KIF24: variants seen among roughly 807,000 people sequenced by gnomAD.
KIF24 encodes the protein kinesin-like protein KIF24.
In KIF24, 81 loss-of-function variants were observed where a neutral mutation model predicts 118.9. That is an observed-to-expected ratio of 0.68 (90% CI 0.57 to 0.82). The LOEUF is 0.82. KIF24 is among the 40% of genes least tolerant of loss of function. The pLI, the probability that KIF24 is intolerant of heterozygous loss-of-function variation, is 0.00. For missense variants in KIF24, 1,560 were observed against 1,661.6 expected, an observed-to-expected ratio of 0.94 and a Z score of 1.06; for synonymous variants, 599 against 610.0, an observed-to-expected ratio of 0.98 and a Z score of 0.27.
upstream of KIF24, among the ~76,000 whole-genome samples, chr9:34,331,564 T>C (rs531719692): frequency 8.8e-4 from 134 of 152,310 alleles, no homozygotes; most frequent in African/African-American, 3.0e-3. Context: ...ACAGCTTGAC[T>C]TACCTAAATT....
In KIF24 at chr9:34,310,840, AGTG is replaced by A; in HGVS notation, c.504_506del (p.Thr169del). 1.2e-6 allele frequency: 2 copies of A among 1,614,028 alleles called. No homozygotes were observed. The highest frequency in any genetic ancestry group is 1.7e-6 in the Non-Finnish European group (2 of 1,179,872). Reference sequence around the variant, plus strand: ...AAAGGTAATTTGGTGAAAAGAGTGAAGTGCTGATTTCTGTTTGCACATAGGAAT... The same window carrying A: ...AAAGGTAATTTGGTGAAAAGAGTGAACTGATTTCTGTTTGCACATAGGAAT... On this transcript the variant is annotated inframe_deletion, in exon 2 of 13. Coordinates refer to ENST00000402558, the MANE Select transcript of KIF24 (RefSeq NM_194313.4).
At chr9:34,319,654 A>G in intron 1 of KIF24, 1 of 819,514 alleles carries the variant, frequency 1.2e-6, no homozygotes, top group Non-Finnish European at 2.1e-6. Flanking sequence ...GACGAGTTTT[A>G]GGGCCTCAGG....
chr9:34,324,479 C>A (rs1837615471), intron 1 of KIF24, among the ~76,000 whole-genome samples: 1 of 152,162 alleles, frequency 6.6e-6, no homozygotes, highest in African/African-American at 2.4e-5. Context: ...ATCCTTATTT[C>A]TACCACCACT....
chr9:34,331,534 C>CAG (rs1323158136), upstream of KIF24, among the ~76,000 whole-genome samples: 2 of 152,178 alleles, frequency 1.3e-5, no homozygotes, highest in African/African-American at 4.8e-5. Context: ...GAATACCAGA[C>CAG]AGATGCAGGG....
chr9:34,289,257 G>A (rs72733104), intron 5 of KIF24, among the ~76,000 whole-genome samples: 18,719 of 152,048 alleles, frequency 0.12, 1,516 homozygotes, highest in Non-Finnish European at 0.18. Flanking sequence ...CTACAATGGG[G>A]GCCTGCCCTA....
chr9:34,322,617 G>A (rs1270413481), intron 1 of KIF24, among the ~76,000 whole-genome samples: 1 of 152,068 alleles, frequency 6.6e-6, no homozygotes, highest in Middle Eastern at 3.2e-3. Context: ...ACTTGGGGAG[G>A]CCAAGGTGGT....
intron 9 of KIF24, among the ~76,000 whole-genome samples, chr9:34,262,671 A>C (rs1388699862): frequency 5.9e-5 from 2 of 33,988 alleles, no homozygotes; most frequent in Non-Finnish European, 1.1e-4. Flanking sequence ...AAAAAAAAAA[A>C]AAAAATATAT....
intron 4 of KIF24, among the ~76,000 whole-genome samples, chr9:34,292,635 T>C (rs1014117737): frequency 3.9e-5 from 6 of 152,046 alleles, no homozygotes; most frequent in African/African-American, 1.2e-4. Context: ...AAGAGTAAAA[T>C]GACAAAAGCA....
intron 6 of KIF24, among the ~76,000 whole-genome samples, chr9:34,272,268 T>C (rs1207404734): frequency 1.3e-5 from 2 of 152,208 alleles, no homozygotes; most frequent in African/African-American, 2.4e-5. Flanking sequence ...GGACTCCTAA[T>C]ACCCATCTAT....
intron 6 of KIF24, among the ~76,000 whole-genome samples, chr9:34,273,057 G>GCCTCA (rs1371342188): frequency 1.3e-5 from 2 of 151,976 alleles, no homozygotes; most frequent in African/African-American, 4.8e-5. Context: ...GCAGTGAGCT[G>GCCTCA]TGATTACAGA....
intron 1 of KIF24, among the ~76,000 whole-genome samples, chr9:34,320,658 C>CAA (rs68048466): frequency 0.17 from 8,923 of 53,112 alleles, 767 homozygotes; most frequent in East Asian, 0.37. Context: ...AACTCCTTCT[C>CAA]AAAAAAAAAA....
intron 9 of KIF24, among the ~76,000 whole-genome samples, chr9:34,262,708 A>ATATC (rs1835137926): frequency 3.5e-5 from 2 of 57,846 alleles, no homozygotes; most frequent in African/African-American, 1.3e-4. Flanking sequence ...ATATATATAT[A>ATATC]TATATGGCCA....
In KIF24 at chr9:34,269,260, C is replaced by T. The variant is rs746782127; in HGVS notation, c.1440G>A (p.Leu480=). 2 of 1,582,186 alleles carry T rather than the reference C, an allele frequency of 1.3e-6. No individual in the cohort carries two copies. Among genetic ancestry groups the T allele is most frequent in the East Asian group, 2.3e-5 (1 of 44,430 alleles). ...TTAAAGATTTTGAACAACTTACAGC[C>T]AGTAGACTCTGATTTATTTCTGCAC... ...MEGAEINQSL[L]ALKECIRALD... Residue 480 remains leucine, a synonymous_variant, in exon 8 of 13, where the codon CTG becomes CTA. Coordinates refer to ENST00000402558, the MANE Select transcript of KIF24 (RefSeq NM_194313.4).
chr9:34,297,743 CAG>C (rs1395310011), intron 3 of KIF24, among the ~76,000 whole-genome samples: 2 of 145,654 alleles, frequency 1.4e-5, no homozygotes, highest in Non-Finnish European at 3.0e-5. Flanking sequence ...GCCTGAGTGA[CAG>C]AGCGAGATTC....
At chr9:34,329,506 C>T (rs1261155266), upstream of KIF24, 1 of 152,240 alleles carries the variant, frequency 6.6e-6, no homozygotes, top group Non-Finnish European at 1.5e-5. Flanking sequence ...CTGCCGAATT[C>T]TATTGATGGG....
At chr9:34,328,781 G>A (rs555417340) in intron 1 of KIF24, among the ~76,000 whole-genome samples, 7 of 152,308 alleles carry the variant, frequency 4.6e-5, no homozygotes, top group African/African-American at 1.7e-4. Flanking sequence ...AACAACCCAA[G>A]GGCGAATAGA....
chr9:34,260,662 G>A (rs1166776815), intron 9 of KIF24, among the ~76,000 whole-genome samples: 2 of 152,122 alleles, frequency 1.3e-5, no homozygotes, highest in Admixed American at 1.3e-4. Context: ...TGGAAATGGG[G>A]AACTTGTCTT....
intron 6 of KIF24, among the ~76,000 whole-genome samples, chr9:34,277,858 T>C (rs1029058624): frequency 1.3e-5 from 2 of 152,220 alleles, no homozygotes; most frequent in African/African-American, 2.4e-5. Flanking sequence ...AACTGAAGTA[T>C]AGCAGTTAAA....
At position 34,322,557 on chromosome 9, in the gene KIF24, T is replaced by C. The variant is rs1026665175; in HGVS notation, c.-26+6549A>G. ...AAAGTCACTGGGCCCGCTGGACTAT[T>C]AGAAACTGATACAAGGCCAGGCACT... On this transcript the variant is annotated intron_variant, in intron 1 of 12. Coordinates refer to ENST00000402558, the MANE Select transcript of KIF24 (RefSeq NM_194313.4). Among the ~76,000 whole-genome samples the C allele has an allele frequency of 7.9e-5, 12 of 151,912 alleles. No homozygotes were observed. In the East Asian group the frequency reaches 2.1e-3, roughly 27 times the overall value.
Sources: gnomAD v4.1 joint callset for allele counts (sites outside exome capture counted in the v4.1 genomes callset) on GRCh38, gnomAD v4.1.1 for gene constraint, MANE v1.5 for transcripts, NCBI Gene and HGNC (gene_info 2026-07-23, HGNC 2026-07-21) for gene names.